PPP2R5E: variants seen among roughly 807,000 people sequenced by gnomAD.
PPP2R5E encodes the protein serine/threonine-protein phosphatase 2A 56 kDa regulatory subunit epsilon isoform.
Under a neutral mutation model 65.3 loss-of-function variants are expected in PPP2R5E, and 4 were observed. The observed-to-expected ratio is 0.06, with a 90% CI of 0.03 to 0.14. The LOEUF (loss-of-function observed/expected upper bound fraction) is 0.14. Among genes scored for constraint, PPP2R5E ranks in the 10% least tolerant of loss-of-function variants. PPP2R5E has a pLI of 1.00. For synonymous variants in PPP2R5E, 183 were observed against 187.4 expected, an observed-to-expected ratio of 0.98 and a Z score of 0.19; for missense variants, 274 against 556.1, an observed-to-expected ratio of 0.49 and a Z score of 5.10.
intron 2 of PPP2R5E, among the ~76,000 whole-genome samples, chr14:63,454,309 T>G (rs1465276966): frequency 2.6e-5 from 4 of 152,258 alleles, no homozygotes; most frequent in African/African-American, 7.2e-5. Flanking sequence ...AGTTGATTTA[T>G]TTTAATTTCA....
At chr14:63,376,142 G>T in intron 13 of PPP2R5E, 34 bp from the exon 14 acceptor site, 3 of 1,384,244 alleles carry the variant, frequency 2.2e-6, no homozygotes, top group Non-Finnish European at 3.1e-6. Context: ...GTAAACAGCT[G>T]AGGTTTAATG....
intron 4 of PPP2R5E, among the ~76,000 whole-genome samples, chr14:63,416,718 GA>G (rs937289827): frequency 3.0e-4 from 44 of 144,618 alleles, no homozygotes; most frequent in African/African-American, 4.8e-4. Flanking sequence ...GAAAAAAAAA[GA>G]AAAAAAAAAC....
intron 13 of PPP2R5E, 21 bp from the exon 14 acceptor site, chr14:63,376,129 A>C: frequency 6.7e-7 from 1 of 1,495,010 alleles, no homozygotes; most frequent in Admixed American, 1.7e-5. Context: ...AACAGAATAC[A>C]ATGTAAACAG....
rs183735963 is a variant in PPP2R5E, at chr14:63,540,835, T to C, written c.-7-1143A>G. ...CACGGAAACAATATGAGAACTCTAA[T>C]GTATTGTGCCACTCCATTATAAGCA... On this transcript the variant is annotated intron_variant, in intron 1 of 13. Coordinates refer to ENST00000337537, the MANE Select transcript of PPP2R5E (RefSeq NM_006246.5). 6.3e-3 allele frequency among the ~76,000 whole-genome samples: 966 copies of C among 152,316 alleles called. 10 individuals carry two copies. The highest frequency in any genetic ancestry group is 0.054 in the Middle Eastern group (16 of 294).
In PPP2R5E at chr14:63,488,371, T is replaced by C. The variant is rs138215494; in HGVS notation, c.158-34486A>G. Among the ~76,000 whole-genome samples the C allele has an allele frequency of 6.4e-3, 969 of 152,138 alleles. 15 individuals carry two copies. Among genetic ancestry groups the C allele is most frequent in the African/African-American group, 0.022 (931 of 41,508 alleles). ...CACCACCATGCCTACCTAATTTTTGTTTTATTCTTTTTGTAGAGACAGGGT... is the reference window on the plus strand; with the variant it reads ...CACCACCATGCCTACCTAATTTTTGCTTTATTCTTTTTGTAGAGACAGGGT... On this transcript the variant is annotated intron_variant, in intron 2 of 13. Transcript: ENST00000337537.
At chr14:63,460,487 T>C (rs1889395677) in intron 2 of PPP2R5E, among the ~76,000 whole-genome samples, 3 of 152,220 alleles carry the variant, frequency 2.0e-5, no homozygotes, top group Non-Finnish European at 2.9e-5. Flanking sequence ...TGGTTAGTTA[T>C]TTGTTTAAGA....
chr14:63,497,894 G>A (rs1262252320), intron 2 of PPP2R5E, among the ~76,000 whole-genome samples: 3 of 152,148 alleles, frequency 2.0e-5, no homozygotes, highest in South Asian at 4.1e-4. Context: ...GCATACTCAC[G>A]TTAGTGGCAT....
intron 2 of PPP2R5E, among the ~76,000 whole-genome samples, chr14:63,535,430 A>C (rs1893630185): frequency 6.6e-6 from 1 of 152,124 alleles, no homozygotes; most frequent in Non-Finnish European, 1.5e-5. Context: ...TCAAAAAAAA[A>C]AGAAATAGGG....
intron 2 of PPP2R5E, among the ~76,000 whole-genome samples, chr14:63,508,487 T>C (rs535913424): frequency 2.6e-4 from 40 of 152,352 alleles, no homozygotes; most frequent in African/African-American, 8.9e-4. Flanking sequence ...GCATCTACAA[T>C]AAGCCTTTTC....
chr14:63,408,164 G>T (rs1047853688), intron 5 of PPP2R5E, among the ~76,000 whole-genome samples: 3 of 152,090 alleles, frequency 2.0e-5, no homozygotes, highest in East Asian at 1.9e-4. Context: ...TTCACTATAT[G>T]AATGTCCACA....
At chr14:63,523,026 C>T (rs1274096324) in intron 2 of PPP2R5E, among the ~76,000 whole-genome samples, 1 of 150,160 alleles carries the variant, frequency 6.7e-6, no homozygotes, top group Admixed American at 6.6e-5. Flanking sequence ...GCCCGGCCGC[C>T]CCTACTGGGA....
Position 63,509,364 on chromosome 14 carries a change from TC to T in PPP2R5E, c.157+30164del, listed in dbSNP as rs1312185096. ...ATCTCAGCTCACTGCAACTTCTGCC[TC>T]CAGGTTCAAGCGATTCTCGTGCCTT... On this transcript the variant is annotated intron_variant, in intron 2 of 13. Coordinates refer to ENST00000337537, the MANE Select transcript of PPP2R5E (RefSeq NM_006246.5). Among the ~76,000 whole-genome samples, 4 of 141,904 alleles carry T rather than the reference TC, an allele frequency of 2.8e-5. No homozygotes were observed. The East Asian group carries it at 9.0e-4, about 32-fold the overall frequency. 93.1% of individuals were successfully genotyped at this position (141,904 alleles called of 152,430 possible). A position where few individuals can be genotyped will look rare whatever the true frequency, so the allele number is the denominator to read the frequency against.
At chr14:63,514,344 C>CCA (rs1892578396) in intron 2 of PPP2R5E, among the ~76,000 whole-genome samples, 1 of 152,096 alleles carries the variant, frequency 6.6e-6, no homozygotes, top group Non-Finnish European at 1.5e-5. Flanking sequence ...CAGAGTCTTT[C>CCA]AAAGCATTTG....
intron 2 of PPP2R5E, among the ~76,000 whole-genome samples, chr14:63,495,346 C>T (rs1346575526): frequency 6.7e-6 from 1 of 149,528 alleles, no homozygotes; most frequent in East Asian, 2.0e-4. Context: ...CTGAGACGGG[C>T]AGACCACTTG....
intron 2 of PPP2R5E, among the ~76,000 whole-genome samples, chr14:63,469,574 G>A (rs540228761): frequency 2.5e-4 from 38 of 152,270 alleles, no homozygotes; most frequent in African/African-American, 9.1e-4. Flanking sequence ...AGCGCCTGTA[G>A]TCCCAGCTAC....
At chr14:63,535,299 G>A (rs1213366894) in intron 2 of PPP2R5E, among the ~76,000 whole-genome samples, 1 of 152,002 alleles carries the variant, frequency 6.6e-6, no homozygotes, top group African/African-American at 2.4e-5. Context: ...GTGGGCACCT[G>A]CAATCCCAGC....
intron 3 of PPP2R5E, among the ~76,000 whole-genome samples, chr14:63,442,107 A>T (rs1009157794): frequency 7.2e-5 from 11 of 152,152 alleles, no homozygotes; most frequent in Non-Finnish European, 1.5e-4. Flanking sequence ...TTGAAAAATT[A>T]CGAATGCTAA....
intron 3 of PPP2R5E, among the ~76,000 whole-genome samples, chr14:63,438,862 C>G (rs1449959731): frequency 6.6e-6 from 1 of 151,956 alleles, no homozygotes; most frequent in African/African-American, 2.4e-5. Context: ...TAAATTATTA[C>G]TAGAGTTGGG....
intron 2 of PPP2R5E, among the ~76,000 whole-genome samples, chr14:63,515,535 C>CT (rs200790475): frequency 1.3e-3 from 194 of 145,482 alleles, no homozygotes; most frequent in African/African-American, 1.7e-3. Context: ...TTCACAGACA[C>CT]TTTTTTTTTT....
Sources: allele counts gnomAD v4.1 joint callset (sites outside exome capture counted in the v4.1 genomes callset), GRCh38; gene constraint gnomAD v4.1.1; transcripts MANE v1.5; gene names NCBI Gene and HGNC (gene_info 2026-07-23, HGNC 2026-07-21).